The following GRM7 variants were observed in gnomAD, a reference collection of about 807,000 sequenced individuals.
GRM7 encodes glutamate metabotropic receptor 7.
Under a neutral mutation model 84.5 loss-of-function variants are expected in GRM7, and 35 were observed. The ratio of observed to expected loss-of-function variants is 0.41; its 90% CI spans 0.32 to 0.55. The LOEUF is 0.55. Among genes scored for constraint, GRM7 ranks in the 20% least tolerant of loss-of-function variants. The pLI is 0.19. For synonymous variants in GRM7, 487 were observed against 455.1 expected (o/e 1.07, Z -0.89); for missense variants, 1,003 against 1,194.6 (o/e 0.84, Z 2.36).
intron 1 of GRM7, among the ~76,000 whole-genome samples, chr3:7,121,193 C>G (rs1445273036): frequency 6.6e-6 from 1 of 152,142 alleles, no homozygotes; most frequent in African/African-American, 2.4e-5. Flanking sequence ...AATGTATCCT[C>G]CTACGGCAGA....
intron 9 of GRM7, among the ~76,000 whole-genome samples, chr3:7,713,124 G>GTTTTTTTTTT (rs5846535): frequency 9.3e-5 from 9 of 97,122 alleles, no homozygotes; most frequent in East Asian, 2.3e-4. Context: ...ATTTTGTTTT[G>GTTTTTTTTTT]TTTTTTTTTT....
intron 3 of GRM7, among the ~76,000 whole-genome samples, chr3:7,299,548 T>G (rs564865276): frequency 3.9e-5 from 6 of 152,248 alleles, no homozygotes; most frequent in Non-Finnish European, 8.8e-5. Flanking sequence ...TCTTGTCGCA[T>G]AGCTAACAAG....
chr3:7,369,669 G>T (rs1694053278), intron 4 of GRM7, among the ~76,000 whole-genome samples: 1 of 152,086 alleles, frequency 6.6e-6, no homozygotes, highest in African/African-American at 2.4e-5. Flanking sequence ...AAGAGTCATT[G>T]TCAATTTATT....
intron 1 of GRM7, among the ~76,000 whole-genome samples, chr3:7,046,752 G>A (rs1696819756): frequency 6.6e-6 from 1 of 152,056 alleles, no homozygotes; most frequent in Non-Finnish European, 1.5e-5. Flanking sequence ...GGTCCAGAGG[G>A]TCTTTTCTGA....
chr3:7,516,643 G>A (rs767854695), intron 7 of GRM7, among the ~76,000 whole-genome samples: 7 of 152,086 alleles, frequency 4.6e-5, no homozygotes, highest in Admixed American at 1.3e-4. Flanking sequence ...AGCATTCAGC[G>A]AGGACTAGAG....
chr3:7,428,190 G>A (rs370748768), intron 5 of GRM7, among the ~76,000 whole-genome samples: 13 of 152,118 alleles, frequency 8.5e-5, no homozygotes, highest in African/African-American at 2.7e-4. Context: ...TTTTGAGTTG[G>A]TCCACCAAGG....
intron 1 of GRM7, among the ~76,000 whole-genome samples, chr3:6,912,550 A>G (rs1442021913): frequency 6.6e-6 from 1 of 152,166 alleles, no homozygotes; most frequent in African/African-American, 2.4e-5. Flanking sequence ...GAATATTTTG[A>G]TAACAGAATG....
At chr3:6,993,374 C>T (rs1694716554) in intron 1 of GRM7, among the ~76,000 whole-genome samples, 2 of 152,056 alleles carry the variant, frequency 1.3e-5, no homozygotes, top group Admixed American at 1.3e-4. Flanking sequence ...TACAAGCCTT[C>T]GAACAAATAT....
chr3:7,245,474 A>C (rs1227566144), intron 2 of GRM7, among the ~76,000 whole-genome samples: 1 of 152,002 alleles, frequency 6.6e-6, no homozygotes, highest in African/African-American at 2.4e-5. Context: ...ATGAGAAACA[A>C]AGCCATAAGA....
Position 7,517,390 on chromosome 3 carries a change from GTAT to G in GRM7, c.1515+55674_1515+55676del, listed in dbSNP as rs1559374673. Among the ~76,000 whole-genome samples, 3 of 150,196 alleles carry G rather than the reference GTAT, an allele frequency of 2.0e-5. No homozygotes were observed. The Admixed American group carries it at 2.0e-4, about 10-fold the overall frequency. On this transcript the variant is annotated intron_variant, in intron 7 of 9. Coordinates refer to ENST00000357716, the MANE Select transcript of GRM7 (RefSeq NM_000844.4). Reference sequence around the variant, plus strand: ...ATTATTAGTAGTAGTAGTAGTATTAGTATTATTAGTATTATTATTTGAGACAGA... The same window carrying G: ...ATTATTAGTAGTAGTAGTAGTATTAGTATTAGTATTATTATTTGAGACAGA...
At chr3:7,085,187 T>C (rs541025309) in intron 1 of GRM7, among the ~76,000 whole-genome samples, 1 of 152,322 alleles carries the variant, frequency 6.6e-6, no homozygotes, top group South Asian at 2.1e-4. Context: ...CTCAGCCTAA[T>C]TTGCACCTAT....
At chr3:7,643,821 T>C (rs1305239026) in intron 8 of GRM7, among the ~76,000 whole-genome samples, 2 of 152,124 alleles carry the variant, frequency 1.3e-5, no homozygotes, top group Admixed American at 1.3e-4. Context: ...AAGGAGGATA[T>C]TTCTTTCTAA....
At chr3:6,891,201 G>A (rs1695926657) in intron 1 of GRM7, among the ~76,000 whole-genome samples, 1 of 152,126 alleles carries the variant, frequency 6.6e-6, no homozygotes, top group Non-Finnish European at 1.5e-5. Context: ...GCCAGTCTGT[G>A]TCTTTTAATT....
intron 1 of GRM7, among the ~76,000 whole-genome samples, chr3:6,967,263 A>G (rs1366932621): frequency 6.6e-6 from 1 of 152,048 alleles, no homozygotes; most frequent in East Asian, 1.9e-4. Flanking sequence ...ATCACAGCTC[A>G]CTCACTGCAG....
intron 7 of GRM7, among the ~76,000 whole-genome samples, chr3:7,561,121 C>G (rs951096469): frequency 6.6e-6 from 1 of 152,130 alleles, no homozygotes; most frequent in African/African-American, 2.4e-5. Context: ...GACCTTCATC[C>G]TCATCACCAT....
At chr3:7,712,097 C>A (rs1449434770) in intron 9 of GRM7, among the ~76,000 whole-genome samples, 3 of 152,156 alleles carry the variant, frequency 2.0e-5, no homozygotes, top group Non-Finnish European at 4.4e-5. Flanking sequence ...GCGGGGCATG[C>A]CTTCCTGTTC....
intron 7 of GRM7, among the ~76,000 whole-genome samples, chr3:7,539,566 C>T (rs1397662152): frequency 6.6e-6 from 1 of 151,280 alleles, no homozygotes; most frequent in Non-Finnish European, 1.5e-5. Context: ...ATCCCAGCTA[C>T]TCAGGAAGCT....
chr3:7,533,990 G>A (rs1234990494), intron 7 of GRM7, among the ~76,000 whole-genome samples: 2 of 149,566 alleles, frequency 1.3e-5, no homozygotes, highest in Non-Finnish European at 1.5e-5. Flanking sequence ...TATTTAAAAT[G>A]TGGCATAGAA....
chr3:7,027,482 C>CA, intron 1 of GRM7, among the ~76,000 whole-genome samples: 1 of 152,228 alleles, frequency 6.6e-6, no homozygotes, highest in South Asian at 2.1e-4. Flanking sequence ...AACGAGCTTA[C>CA]TCATTTATGT....
Sources: gnomAD v4.1 joint callset for allele counts (sites outside exome capture counted in the v4.1 genomes callset) on GRCh38, gnomAD v4.1.1 for gene constraint, MANE v1.5 for transcripts, NCBI Gene and HGNC (gene_info 2026-07-23, HGNC 2026-07-21) for gene names.